FAT3: variants seen among roughly 807,000 people sequenced by gnomAD.
FAT3 encodes the protein FAT atypical cadherin 3, also known as protocadherin Fat 3.
A neutral mutation model predicts 310.2 loss-of-function variants in FAT3; 95 were observed. That is an observed-to-expected ratio of 0.31 (90% confidence interval 0.26 to 0.36). The LOEUF (loss-of-function observed/expected upper bound fraction) is 0.36. Among genes scored for constraint, FAT3 ranks in the 10% least tolerant of loss-of-function variants. FAT3 has a pLI of 1.00. For missense variants in FAT3, 5,408 were observed against 5,715.6 expected, an observed-to-expected ratio of 0.95 and a Z score of 1.74; for synonymous variants, 2,314 against 2,192.9, an observed-to-expected ratio of 1.06 and a Z score of -1.54.
chr11:92,683,130 T>C (rs1943536006), intron 3 of FAT3, among the ~76,000 whole-genome samples: 1 of 151,530 alleles, frequency 6.6e-6, no homozygotes, highest in South Asian at 2.1e-4. Context: ...GCCTGTTTTA[T>C]TGTGAGGGTT....
At chr11:92,266,878 C>A (rs1329398130) in intron 1 of FAT3, among the ~76,000 whole-genome samples, 2 of 152,122 alleles carry the variant, frequency 1.3e-5, no homozygotes, top group African/African-American at 2.4e-5. Flanking sequence ...ATTCATGCTC[C>A]ATAATTCTCA....
intron 2 of FAT3, among the ~76,000 whole-genome samples, chr11:92,407,361 T>A (rs1198760703): frequency 6.6e-6 from 1 of 152,164 alleles, no homozygotes; most frequent in Non-Finnish European, 1.5e-5. Context: ...ATTCTTAGAA[T>A]TATGCCTTTT....
At position 92,798,710 on chromosome 11, in the gene FAT3, A is replaced by G. The variant is rs772548008; in HGVS notation, c.5697A>G (p.Gly1899=). 6 of 1,613,778 alleles carry G rather than the reference A, an allele frequency of 3.7e-6. No individual in the cohort carries two copies. Among genetic ancestry groups the G allele is most frequent in the South Asian group, 1.1e-5 (1 of 91,058 alleles). Residue 1899 remains glycine, a synonymous_variant, in exon 10 of 28, where the codon GGA becomes GGG. Coordinates refer to ENST00000525166, the MANE Select transcript of FAT3 (RefSeq NM_001367949.2). ...TCTTACTTCTACCTACCTATGTTGGAGTGGAGGTTCTGAAAGTTAGTGCCA... is the reference window on the plus strand; with the variant it reads ...TCTTACTTCTACCTACCTATGTTGGGGTGGAGGTTCTGAAAGTTAGTGCCA... ...ETILLLPTYV[G]VEVLKVSATD... is the part of the protein sequence containing the mutation.
At chr11:92,774,010 T>G (rs754105386) in intron 6 of FAT3, 31 bp from the exon 7 acceptor site, 8 of 1,609,916 alleles carry the variant, frequency 5.0e-6, no homozygotes, top group Non-Finnish European at 6.8e-6. Flanking sequence ...TTATCAGATT[T>G]GCTAATTTCA....
chr11:92,486,371 C>CT (rs939185647), intron 2 of FAT3, among the ~76,000 whole-genome samples: 21 of 148,980 alleles, frequency 1.4e-4, no homozygotes, highest in Admixed American at 3.4e-4. Flanking sequence ...TTTTGTTGTC[C>CT]TTTTTTTTTA....
At chr11:92,752,945 C>A (rs1342826813) in intron 4 of FAT3, among the ~76,000 whole-genome samples, 1 of 152,186 alleles carries the variant, frequency 6.6e-6, no homozygotes, top group Non-Finnish European at 1.5e-5. Context: ...TATAATAAAT[C>A]ATCTGAGAGA....
chr11:92,871,028 G>T (rs1949376068), intron 22 of FAT3, among the ~76,000 whole-genome samples: 1 of 152,162 alleles, frequency 6.6e-6, no homozygotes, highest in South Asian at 2.1e-4. Context: ...AAGCACACTG[G>T]CTGGGTGCAG....
Position 92,705,546 on chromosome 11 carries a change from ATGG to A in FAT3, c.3669+8110_3669+8112del, listed in dbSNP as rs1565527016. On this transcript the variant is annotated intron_variant, in intron 4 of 27. Coordinates refer to ENST00000525166, the MANE Select transcript of FAT3 (RefSeq NM_001367949.2). Reference sequence around the variant, plus strand: ...GTGTTGGTGGTGGTGTGATGGTGTGATGGTGGTGGTGTGATGGTGGTGGTGGTG... The same window carrying A: ...GTGTTGGTGGTGGTGTGATGGTGTGATGGTGGTGTGATGGTGGTGGTGGTG... Among the ~76,000 whole-genome samples, 93 of 39,144 alleles carry A rather than the reference ATGG, an allele frequency of 2.4e-3. 1 individual carries two copies. Among genetic ancestry groups the A allele is most frequent in the African/African-American group, 5.2e-3 (50 of 9,610 alleles). The allele number at this position is 39,144 out of a possible 152,430, so 25.7% of individuals were successfully genotyped here.
chr11:92,620,662 AT>A (rs1318263258), intron 3 of FAT3, among the ~76,000 whole-genome samples: 1 of 152,164 alleles, frequency 6.6e-6, no homozygotes, highest in Non-Finnish European at 1.5e-5. Context: ...AAAAAATTAT[AT>A]TTTTAATTGA....
In FAT3 at chr11:92,352,738, C is replaced by T. The variant is rs775736738; in HGVS notation, c.626C>T (p.Thr209Met). ...NKVDLFSVHP[T>M]SGVISLSGRL... ...GTTGATCTCTTTTCAGTTCACCCCA[C>T]GAGTGGTGTCATCTCCTTAAGTGGT... The change falls in exon 2 of 28, where the codon ACG becomes ATG. Residue 209 changes from threonine to methionine, a missense_variant. Around this residue, in one of 5 missense-constraint regions of FAT3, gnomAD observed 4,588 missense variants for 4,809.8 expected, o/e 0.95. Coordinates refer to ENST00000525166, the MANE Select transcript of FAT3 (RefSeq NM_001367949.2). 14 of 1,613,658 alleles carry T rather than the reference C, an allele frequency of 8.7e-6. No homozygotes were observed. Among genetic ancestry groups the T allele is most frequent in the South Asian group, 2.2e-5 (2 of 91,082 alleles).
At chr11:92,330,513 C>G (rs2134533381) in intron 1 of FAT3, among the ~76,000 whole-genome samples, 1 of 152,256 alleles carries the variant, frequency 6.6e-6, no homozygotes, top group Non-Finnish European at 1.5e-5. Flanking sequence ...TTATAAATAG[C>G]TCTGTGAGGT....
intron 4 of FAT3, among the ~76,000 whole-genome samples, chr11:92,759,310 T>G (rs1173294211): frequency 6.6e-6 from 1 of 152,198 alleles, no homozygotes; most frequent in Admixed American, 6.5e-5. Context: ...GTGAGAGCAG[T>G]GAGAAAACAA....
chr11:92,502,681 A>T (rs548710047), intron 2 of FAT3, among the ~76,000 whole-genome samples: 2 of 152,172 alleles, frequency 1.3e-5, no homozygotes, highest in South Asian at 4.1e-4. Flanking sequence ...CTTCCTAACA[A>T]TTGCAACTAC....
chr11:92,492,435 T>A (rs1952635351), intron 2 of FAT3, among the ~76,000 whole-genome samples: 2 of 152,044 alleles, frequency 1.3e-5, no homozygotes, highest in African/African-American at 4.8e-5. Flanking sequence ...ATCATAATAA[T>A]TAGCAAGGTT....
chr11:92,797,728 G>C, intron 9 of FAT3, 108 bp from the exon 10 acceptor site: 1 of 907,122 alleles, frequency 1.1e-6, no homozygotes, highest in Non-Finnish European at 1.7e-6. Flanking sequence ...TACTATAATT[G>C]CTTTCTACTT....
intron 4 of FAT3, among the ~76,000 whole-genome samples, chr11:92,725,709 C>A (rs150383307): frequency 6.6e-6 from 1 of 152,084 alleles, no homozygotes; most frequent in Admixed American, 6.6e-5. Context: ...CCTAGGCAAG[C>A]TTCTTAGAAG....
intron 1 of FAT3, among the ~76,000 whole-genome samples, chr11:92,274,705 G>C (rs1384862568): frequency 6.6e-6 from 1 of 151,820 alleles, no homozygotes; most frequent in African/African-American, 2.4e-5. Flanking sequence ...ACTAGTTTAG[G>C]GACAGAGCTA....
intron 3 of FAT3, among the ~76,000 whole-genome samples, chr11:92,607,227 T>C (rs1940342572): frequency 1.3e-5 from 2 of 152,054 alleles, no homozygotes; most frequent in Non-Finnish European, 2.9e-5. Flanking sequence ...ATCTACCTTA[T>C]GATATGATTT....
At chr11:92,849,064 T>G (rs568440993) in intron 19 of FAT3, among the ~76,000 whole-genome samples, 1 of 152,294 alleles carries the variant, frequency 6.6e-6, no homozygotes, top group African/African-American at 2.4e-5. Flanking sequence ...TGCATTTAAC[T>G]CTTACTATAA....
Sources: allele counts gnomAD v4.1 joint callset (sites outside exome capture counted in the v4.1 genomes callset), GRCh38; gene constraint gnomAD v4.1.1; regional missense constraint gnomAD v4.1.1; transcripts MANE v1.5; gene names NCBI Gene and HGNC (gene_info 2026-07-23, HGNC 2026-07-21).